SIMC1: variants seen among roughly 807,000 people sequenced by gnomAD.
SIMC1 encodes SUMO interacting motifs containing 1.
In SIMC1, 55 loss-of-function variants were observed where a neutral mutation model predicts 82.3. The ratio of observed to expected loss-of-function variants is 0.67; its 90% CI spans 0.54 to 0.84. SIMC1 has a LOEUF of 0.84. Ranked by LOEUF, SIMC1 falls within the 40% of genes least tolerant of loss-of-function variation. SIMC1 has a pLI of 0.00. For missense variants in SIMC1, 915 were observed against 1,107.2 expected (o/e 0.83, Z 2.46); for synonymous variants, 353 against 426.3 (o/e 0.83, Z 2.12).
intron 7 of SIMC1, among the ~76,000 whole-genome samples, chr5:176,331,263 G>T (rs886731882): frequency 2.6e-5 from 4 of 151,784 alleles, no homozygotes; most frequent in African/African-American, 4.8e-5. Context: ...CCAGCTACTC[G>T]GGAGGCTGAG....
intron 1 of SIMC1, among the ~76,000 whole-genome samples, chr5:176,272,134 G>A (rs1358459853): frequency 7.7e-6 from 1 of 130,410 alleles, no homozygotes; most frequent in Non-Finnish European, 1.5e-5. Context: ...CTTGAGCCCA[G>A]GAGTTCAAGA....
chr5:176,287,810 G>T (rs1446342783), intron 1 of SIMC1, among the ~76,000 whole-genome samples: 2 of 151,790 alleles, frequency 1.3e-5, no homozygotes, highest in African/African-American at 4.8e-5. Context: ...CATAAATCAA[G>T]TATATTTATA....
chr5:176,272,580 C>T (rs1489707144), intron 1 of SIMC1, among the ~76,000 whole-genome samples: 1 of 152,166 alleles, frequency 6.6e-6, no homozygotes, highest in African/African-American at 2.4e-5. Context: ...TGGGGCTTGT[C>T]AGTGGGTGCA....
chr5:176,333,418 T>G (rs967769242), intron 7 of SIMC1, among the ~76,000 whole-genome samples: 1 of 151,604 alleles, frequency 6.6e-6, no homozygotes, highest in Admixed American at 6.6e-5. Context: ...GGTTGTGGGG[T>G]TTTTTTGGTG....
At chr5:176,337,889 A>T (rs1329097000) in intron 9 of SIMC1, among the ~76,000 whole-genome samples, 1 of 152,204 alleles carries the variant, frequency 6.6e-6, no homozygotes, top group Non-Finnish European at 1.5e-5. Context: ...GGAGAGTTAG[A>T]CCAGGTAACC....
At position 176,256,695 on chromosome 5, in the gene SIMC1, T is replaced by C. The variant is rs182130054; in HGVS notation, c.129+18058T>C. On this transcript the variant is annotated intron_variant, in intron 1 of 9. Transcript: ENST00000429602. ...ATTCCACATATTAGATTATAAAATA[T>C]GGTGTTACCAATTGTGTCAGTCATT... 2.8e-4 allele frequency among the ~76,000 whole-genome samples: 43 copies of C among 152,352 alleles called. No homozygotes were observed. In the East Asian group the frequency reaches 7.9e-3, roughly 28 times the overall value.
intron 1 of SIMC1, among the ~76,000 whole-genome samples, chr5:176,256,798 A>G (rs1761862539): frequency 6.6e-6 from 1 of 152,164 alleles, no homozygotes; most frequent in Admixed American, 6.5e-5. Flanking sequence ...CCTGGAGTGC[A>G]GTGGCAGAAT....
rs763919784 is a variant in SIMC1 at position 176,289,760 on chromosome 5, C to T, written c.236C>T (p.Thr79Ile). ...GAGGGAGAAAATAGACCTATTGCCA[C>T]TCTTGACTTAACTTTAGAACCTGTC... ...RAEGENRPIATLDLTLEPVTP... is the reference protein window; with the variant it reads ...RAEGENRPIAILDLTLEPVTP... Residue 79 changes from threonine to isoleucine, a missense_variant, in exon 2 of 10, where the codon ACT (threonine) becomes ATT (isoleucine). This residue lies in a region of SIMC1 where 902 missense variants were observed against 1,040.3 expected (regional missense o/e 0.87). Transcript: ENST00000429602. The T allele has an allele frequency of 1.9e-6, 3 of 1,613,958 alleles. No individual in the cohort carries two copies. Among genetic ancestry groups the T allele is most frequent in the South Asian group, 2.2e-5 (2 of 91,078 alleles).
At chr5:176,292,810 G>A (rs199939440) in intron 2 of SIMC1, among the ~76,000 whole-genome samples, 1 of 152,040 alleles carries the variant, frequency 6.6e-6, no homozygotes, top group African/African-American at 2.4e-5. Flanking sequence ...CAAAGTTCTG[G>A]GATTACAGGC....
chr5:176,304,901 G>A (rs1302614083), intron 4 of SIMC1, among the ~76,000 whole-genome samples: 3 of 144,572 alleles, frequency 2.1e-5, no homozygotes, highest in South Asian at 2.3e-4. Context: ...GGTGACGAGC[G>A]TCTCTGCCCG....
intron 6 of SIMC1, among the ~76,000 whole-genome samples, chr5:176,323,818 C>G (rs1765260071): frequency 6.6e-6 from 1 of 151,978 alleles, no homozygotes; most frequent in Non-Finnish European, 1.5e-5. Context: ...AACCCCGTCT[C>G]TACTAAAAAA....
chr5:176,248,260 G>T (rs1048504161), intron 1 of SIMC1, among the ~76,000 whole-genome samples: 1 of 151,944 alleles, frequency 6.6e-6, no homozygotes, highest in African/African-American at 2.4e-5. Context: ...TTTTCCATTT[G>T]TTTGTGTCCT....
chr5:176,324,789 AT>A, intron 7 of SIMC1, 32 bp downstream of exon 7: 2 of 1,509,482 alleles, frequency 1.3e-6, no homozygotes, highest in Non-Finnish European at 1.8e-6. Context: ...GAGAGCAGTT[AT>A]TTAAAAAAAA....
intron 1 of SIMC1, among the ~76,000 whole-genome samples, chr5:176,280,828 G>A (rs1156641899): frequency 6.6e-6 from 1 of 152,222 alleles, no homozygotes; most frequent in East Asian, 1.9e-4. Context: ...TTCCCTTTGT[G>A]GGTAACCCGA....
intron 1 of SIMC1, among the ~76,000 whole-genome samples, chr5:176,254,015 A>G (rs918667921): frequency 6.6e-6 from 1 of 152,170 alleles, no homozygotes; most frequent in Non-Finnish European, 1.5e-5. Flanking sequence ...CCCAAAGGCC[A>G]TTATCTAGTT....
At chr5:176,275,867 G>A (rs1193953534) in intron 1 of SIMC1, among the ~76,000 whole-genome samples, 2 of 151,470 alleles carry the variant, frequency 1.3e-5, no homozygotes, top group African/African-American at 2.4e-5. Flanking sequence ...TGCTGGATTC[G>A]GTTTGCTAGT....
intron 7 of SIMC1, among the ~76,000 whole-genome samples, chr5:176,336,055 G>C (rs895666284): frequency 2.3e-5 from 3 of 129,728 alleles, no homozygotes; most frequent in South Asian, 5.9e-4. Flanking sequence ...AGGCAGGGGT[G>C]GGGTGAGGGA....
chr5:176,325,941 A>G (rs1034271110), intron 7 of SIMC1, among the ~76,000 whole-genome samples: 3 of 152,186 alleles, frequency 2.0e-5, no homozygotes, highest in African/African-American at 4.8e-5. Flanking sequence ...CTAAACATGA[A>G]TTAGTGAAGT....
chr5:176,300,488 T>C (rs1365156992), intron 4 of SIMC1, among the ~76,000 whole-genome samples: 1 of 149,510 alleles, frequency 6.7e-6, no homozygotes, highest in African/African-American at 2.5e-5. Flanking sequence ...TCAGCTAATT[T>C]TTTATTATTT....
Sources: gnomAD v4.1 joint callset for allele counts (sites outside exome capture counted in the v4.1 genomes callset) on GRCh38, gnomAD v4.1.1 for gene constraint, gnomAD v4.1.1 regional missense constraint, MANE v1.5 for transcripts, NCBI Gene and HGNC (gene_info 2026-07-23, HGNC 2026-07-21) for gene names.